The following PARD3B variants were observed in gnomAD, a reference collection of about 807,000 sequenced individuals.
PARD3B encodes partitioning defective 3 homolog B.
A neutral mutation model predicts 130.2 loss-of-function variants in PARD3B; 103 were observed. The observed-to-expected ratio is 0.79, with a 90% CI of 0.67 to 0.93. The LOEUF is 0.93. Among genes scored for constraint, PARD3B ranks in the 40% least tolerant of loss-of-function variants. The pLI is 0.00. For synonymous variants in PARD3B, 583 were observed against 553.2 expected, an observed-to-expected ratio of 1.05 and a Z score of -0.76; for missense variants, 1,609 against 1,499.2, an observed-to-expected ratio of 1.07 and a Z score of -1.21.
chr2:204,642,779 C>A (rs1476539919), intron 1 of PARD3B, among the ~76,000 whole-genome samples: 2 of 151,792 alleles, frequency 1.3e-5, no homozygotes, highest in African/African-American at 4.8e-5. Context: ...TTCCCCCTTG[C>A]TGTTCTTGTA....
chr2:205,068,650 T>C (rs1401530282), intron 4 of PARD3B, among the ~76,000 whole-genome samples: 1 of 152,150 alleles, frequency 6.6e-6, no homozygotes, highest in East Asian at 1.9e-4. Context: ...TTGTTTTACA[T>C]GAATGCACTG....
chr2:204,893,419 AG>A (rs1020554754), intron 2 of PARD3B, among the ~76,000 whole-genome samples: 20 of 152,294 alleles, frequency 1.3e-4, no homozygotes, highest in African/African-American at 4.6e-4. Flanking sequence ...GATTTTTATG[AG>A]ATGACCACAA....
At chr2:205,195,231 G>A (rs11894813) in intron 15 of PARD3B, among the ~76,000 whole-genome samples, 602 of 152,148 alleles carry the variant, frequency 4.0e-3, no homozygotes, top group African/African-American at 0.013. Context: ...AAATGACAAC[G>A]ATAATAGTAA....
At chr2:204,667,322 GT>G (rs889318209) in intron 1 of PARD3B, among the ~76,000 whole-genome samples, 1 of 151,522 alleles carries the variant, frequency 6.6e-6, no homozygotes, top group African/African-American at 2.4e-5. Context: ...TCAAATATTT[GT>G]TTTTTTTAAA....
intron 2 of PARD3B, among the ~76,000 whole-genome samples, chr2:204,953,045 TGTATATATAC>T (rs1211323542): frequency 2.1e-5 from 3 of 145,098 alleles, no homozygotes; most frequent in Non-Finnish European, 4.5e-5. Flanking sequence ...TATGTATATA[TGTATATATAC>T]GTATATATAT....
chr2:204,560,541 C>T (rs1292996271), intron 1 of PARD3B, among the ~76,000 whole-genome samples: 2 of 151,212 alleles, frequency 1.3e-5, no homozygotes, highest in Non-Finnish European at 2.9e-5. Flanking sequence ...TGGACAGTTG[C>T]CAGGGAAGTA....
intron 15 of PARD3B, among the ~76,000 whole-genome samples, chr2:205,206,175 T>C (rs1368410958): frequency 6.6e-6 from 1 of 151,764 alleles, no homozygotes; most frequent in African/African-American, 2.4e-5. Flanking sequence ...CCTAAACCAT[T>C]GTTCATATTT....
At chr2:205,583,418 TGAGAGA>T (rs60619288) in intron 22 of PARD3B, among the ~76,000 whole-genome samples, 27,486 of 151,440 alleles carry the variant, frequency 0.18, 3,340 homozygotes, top group East Asian at 0.37. Context: ...CACGCGCGTG[TGAGAGA>T]GAGAGAGAGA....
In PARD3B at chr2:205,280,458, A is replaced by C. The variant is rs2041145279; in HGVS notation, c.2186-20072A>C. 6.6e-6 allele frequency among the ~76,000 whole-genome samples: 1 copy of C among 152,192 alleles called. No individual in the cohort carries two copies. The highest frequency in any genetic ancestry group is 1.5e-5 in the Non-Finnish European group (1 of 68,032). The stretch of plus-strand genomic sequence containing the variant: ...AGCAAATGGTTTAATTTTTATTCCA[A>C]ACTCTAGATTAAGTTTCAGAGTTCA... On this transcript the variant is annotated intron_variant, in intron 16 of 22. Coordinates refer to ENST00000406610, the MANE Select transcript of PARD3B (RefSeq NM_001302769.2). This position sits in a 1 kb window ranked among gnomAD's most constrained non-coding sequence, Gnocchi z 4.7.
chr2:205,129,680 A>G (rs2031810710), intron 10 of PARD3B, among the ~76,000 whole-genome samples: 1 of 152,142 alleles, frequency 6.6e-6, no homozygotes, highest in Non-Finnish European at 1.5e-5. Context: ...CGAGCTCTGT[A>G]CCTTCTTAAC....
intron 20 of PARD3B, among the ~76,000 whole-genome samples, chr2:205,494,576 G>A (rs1030533849): frequency 6.6e-6 from 1 of 152,114 alleles, no homozygotes. Context: ...TAATGAATAC[G>A]GACTTCATTG....
At chr2:205,480,093 T>C (rs891883956) in intron 20 of PARD3B, among the ~76,000 whole-genome samples, 1 of 151,972 alleles carries the variant, frequency 6.6e-6, no homozygotes, top group Admixed American at 6.6e-5. Flanking sequence ...TTAGTAGAGA[T>C]GGGGTTTCAC....
At chr2:204,850,362 T>A (rs995422440) in intron 2 of PARD3B, among the ~76,000 whole-genome samples, 1 of 152,100 alleles carries the variant, frequency 6.6e-6, no homozygotes, top group Non-Finnish European at 1.5e-5. Context: ...TGCCTTGATA[T>A]TTTGCAGAAA....
In PARD3B at chr2:205,041,062, G is replaced by C. The variant is rs533208666; in HGVS notation, c.395-6519G>C. Among the ~76,000 whole-genome samples, 15 of 152,282 alleles carry C rather than the reference G, an allele frequency of 9.9e-5. 1 individual carries two copies. The highest frequency in any genetic ancestry group is 7.2e-4 in the Admixed American group (11 of 15,294). On this transcript the variant is annotated intron_variant, in intron 3 of 22. Transcript: ENST00000406610. The stretch of plus-strand genomic sequence containing the variant: ...TTCTTTCTTTCTGAAAATTCTGAGA[G>C]AGTATGAAATCCTGGCTTTTGCGTT...
At chr2:205,413,028 T>C (rs77428182) in intron 19 of PARD3B, among the ~76,000 whole-genome samples, 5,683 of 152,314 alleles carry the variant, frequency 0.037, 134 homozygotes, top group African/African-American at 0.053. Context: ...GAACTTACTA[T>C]TTTTCTTCGT....
At chr2:204,827,789 T>C (rs2043642172) in intron 2 of PARD3B, among the ~76,000 whole-genome samples, 1 of 152,218 alleles carries the variant, frequency 6.6e-6, no homozygotes, top group African/African-American at 2.4e-5. Flanking sequence ...TCATGTGGCT[T>C]CAAGATTAAG....
intron 4 of PARD3B, among the ~76,000 whole-genome samples, chr2:205,071,574 T>G (rs77016450): frequency 2.6e-5 from 4 of 152,342 alleles, no homozygotes; most frequent in African/African-American, 9.6e-5. Context: ...TTAACTTTAA[T>G]GTAAGTATGG....
At chr2:204,937,390 A>G (rs937308906) in intron 2 of PARD3B, among the ~76,000 whole-genome samples, 1 of 152,158 alleles carries the variant, frequency 6.6e-6, no homozygotes, top group South Asian at 2.1e-4. Flanking sequence ...TCTTTTGCAG[A>G]AAGACTGCAA....
At chr2:204,974,509 G>T (rs933324019) in intron 3 of PARD3B, among the ~76,000 whole-genome samples, 5 of 152,112 alleles carry the variant, frequency 3.3e-5, no homozygotes, top group South Asian at 4.1e-4. Context: ...CCTAAAACAT[G>T]GCATAGATAG....
Sources: gnomAD v4.1 joint callset for allele counts (sites outside exome capture counted in the v4.1 genomes callset) on GRCh38, gnomAD v4.1.1 for gene constraint, Gnocchi (gnomAD v3.1) non-coding constraint, MANE v1.5 for transcripts, NCBI Gene and HGNC (gene_info 2026-07-23, HGNC 2026-07-21) for gene names.